CHCHD3: variants seen among roughly 807,000 people sequenced by gnomAD.
CHCHD3 encodes coiled-coil-helix-coiled-coil-helix domain containing 3.
CHCHD3 carries 20 observed loss-of-function variants against 38.2 expected under a neutral mutation model. The observed-to-expected ratio is 0.52, with a 90% CI of 0.37 to 0.76. The LOEUF (loss-of-function observed/expected upper bound fraction) is 0.76, where lower values mean the gene tolerates loss of function less well. Ranked by LOEUF, CHCHD3 falls within the 30% of genes least tolerant of loss-of-function variation. The probability of loss-of-function intolerance (pLI) is 0.00; values close to 1 mark genes in which losing one functional copy is unlikely to be tolerated. For missense variants in CHCHD3, 245 were observed against 279.2 expected (o/e 0.88, Z 0.87); for synonymous variants, 82 against 100.0 (o/e 0.82, Z 1.07).
In CHCHD3 at chr7:132,885,690, T is replaced by G. The variant is rs1214010308; in HGVS notation, c.425A>C (p.Lys142Thr). The G allele has an allele frequency of 1.9e-6, 3 of 1,608,934 alleles. No homozygotes were observed. In the Admixed American group the frequency reaches 5.0e-5, roughly 27 times the overall value. Residue 142 changes from lysine to threonine, a missense_variant, in exon 5 of 8, where the codon AAA becomes ACA. Transcript: ENST00000262570. ...RVLKKQDAFY[K>T]EQLARLEERS... is the part of the protein sequence containing the mutation. ...CTCCTCCAGTCTAGCCAGCTGTTCT[T>G]TGTAGAATGCATCCTGCTTCTTTAG... is the stretch of plus-strand genomic sequence containing the variant.
Position 133,059,600 on chromosome 7 carries a change from C to T in CHCHD3, c.169+10542G>A, listed in dbSNP as rs183391095. ...CAATGTTTCCAAATCCAGAGCCCCGCTCCCTAGCCACTCCTCCACAGACTC... is the reference window on the plus strand; with the variant it reads ...CAATGTTTCCAAATCCAGAGCCCCGTTCCCTAGCCACTCCTCCACAGACTC... On this transcript the variant is annotated intron_variant, in intron 2 of 7. Coordinates refer to ENST00000262570, the MANE Select transcript of CHCHD3 (RefSeq NM_017812.4). Among the ~76,000 whole-genome samples the T allele has an allele frequency of 4.5e-4, 68 of 152,324 alleles. No individual in the cohort carries two copies. The East Asian group carries it at 0.013, about 29-fold the overall frequency.
chr7:132,893,746 G>A (rs765099825), intron 4 of CHCHD3, among the ~76,000 whole-genome samples: 2 of 152,142 alleles, frequency 1.3e-5, no homozygotes, highest in African/African-American at 4.8e-5. Context: ...GAGATCTGAT[G>A]GTTCTGTAAG....
At chr7:132,844,313 T>G (rs1445733324) in intron 5 of CHCHD3, among the ~76,000 whole-genome samples, 1 of 151,960 alleles carries the variant, frequency 6.6e-6, no homozygotes, top group African/African-American at 2.4e-5. Context: ...AACAAAAAAA[T>G]GTGGAGAAAG....
chr7:132,938,104 C>T (rs2117265921), intron 4 of CHCHD3, among the ~76,000 whole-genome samples: 1 of 152,252 alleles, frequency 6.6e-6, no homozygotes, highest in East Asian at 1.9e-4. Flanking sequence ...TTTTAGAGAC[C>T]TGCCAAACAC....
At chr7:133,037,319 G>A (rs1584663743) in intron 2 of CHCHD3, among the ~76,000 whole-genome samples, 2 of 152,154 alleles carry the variant, frequency 1.3e-5, no homozygotes, top group East Asian at 3.8e-4. Context: ...ATAAAACAAT[G>A]AAAAACTAGA....
intron 3 of CHCHD3, among the ~76,000 whole-genome samples, chr7:132,999,467 TCTTTA>T (rs1405145940): frequency 6.6e-6 from 1 of 152,228 alleles, no homozygotes; most frequent in Non-Finnish European, 1.5e-5. Flanking sequence ...AGTTATACTT[TCTTTA>T]CTGAAATTTC....
chr7:132,817,669 A>G (rs1031536744), intron 6 of CHCHD3, among the ~76,000 whole-genome samples: 2 of 152,164 alleles, frequency 1.3e-5, no homozygotes, highest in Non-Finnish European at 2.9e-5. Context: ...ATAACTGAAC[A>G]TGAAATCAAT....
At chr7:132,934,303 A>G (rs916961041) in intron 4 of CHCHD3, among the ~76,000 whole-genome samples, 4 of 152,086 alleles carry the variant, frequency 2.6e-5, no homozygotes, top group Non-Finnish European at 5.9e-5. Flanking sequence ...ACATCCTCTC[A>G]CTGAGTTACA....
intron 4 of CHCHD3, among the ~76,000 whole-genome samples, chr7:132,905,096 C>T (rs1355046547): frequency 4.6e-5 from 3 of 64,532 alleles, no homozygotes; most frequent in Admixed American, 2.1e-4. Context: ...GGGGGCCTGT[C>T]GTGGGGTGGG....
intron 4 of CHCHD3, among the ~76,000 whole-genome samples, chr7:132,920,008 A>G (rs1000266087): frequency 1.3e-5 from 2 of 152,178 alleles, no homozygotes; most frequent in African/African-American, 2.4e-5. Context: ...TAAGTGAGAG[A>G]AAAAGGGGTA....
intron 5 of CHCHD3, among the ~76,000 whole-genome samples, chr7:132,850,838 ATTTT>A (rs934990891): frequency 2.6e-5 from 4 of 152,164 alleles, no homozygotes; most frequent in Admixed American, 2.6e-4. Flanking sequence ...CTATGTGGAA[ATTTT>A]TTATTTCTAG....
intron 2 of CHCHD3, among the ~76,000 whole-genome samples, chr7:133,064,302 C>T (rs923512997): frequency 2.0e-5 from 3 of 152,136 alleles, no homozygotes; most frequent in Non-Finnish European, 2.9e-5. Flanking sequence ...AGATTTAATG[C>T]CTTTAATTCA....
At chr7:132,786,024 A>G (rs1210678514) in intron 7 of CHCHD3, among the ~76,000 whole-genome samples, 1 of 152,088 alleles carries the variant, frequency 6.6e-6, no homozygotes, top group Non-Finnish European at 1.5e-5. Flanking sequence ...CCAAAAACAA[A>G]AACATTAGCT....
At position 132,814,044 on chromosome 7, in the gene CHCHD3, A is replaced by T. The variant is rs557485616; in HGVS notation, c.525-17467T>A. Among the ~76,000 whole-genome samples the T allele has an allele frequency of 5.3e-5, 8 of 152,286 alleles. No individual in the cohort carries two copies. The East Asian group carries it at 1.5e-3, about 29-fold the overall frequency. ...TACTTGTGACTAAGCAGTGAGGGGA[A>T]CTCAACAGAATTGATGGCAAACGGC... On this transcript the variant is annotated intron_variant, in intron 6 of 7. Coordinates refer to ENST00000262570, the MANE Select transcript of CHCHD3 (RefSeq NM_017812.4).
chr7:132,915,124 G>A (rs1810071332), intron 4 of CHCHD3, among the ~76,000 whole-genome samples: 1 of 150,750 alleles, frequency 6.6e-6, no homozygotes, highest in East Asian at 1.9e-4. Context: ...AGGTGACAGA[G>A]CAGTACTCCA....
intron 5 of CHCHD3, among the ~76,000 whole-genome samples, chr7:132,844,734 C>G (rs537325715): frequency 6.6e-6 from 1 of 152,332 alleles, no homozygotes; most frequent in South Asian, 2.1e-4. Flanking sequence ...TATCAACCAT[C>G]TGATAAAGAC....
intron 6 of CHCHD3, among the ~76,000 whole-genome samples, chr7:132,816,554 C>G (rs1807204696): frequency 6.6e-6 from 1 of 152,174 alleles, no homozygotes. Flanking sequence ...CTTAATGACA[C>G]CATCTCACAT....
intron 4 of CHCHD3, among the ~76,000 whole-genome samples, chr7:132,925,875 A>G (rs1439350447): frequency 6.6e-6 from 1 of 152,218 alleles, no homozygotes; most frequent in African/African-American, 2.4e-5. Context: ...GCAAATGTAT[A>G]TTCACAAGGA....
chr7:132,785,759 C>A, intron 7 of CHCHD3, 99 bp from the exon 8 acceptor site: 1 of 1,281,720 alleles, frequency 7.8e-7, no homozygotes, highest in East Asian at 2.3e-5. Context: ...TTTCAAATAT[C>A]TAATTTTAAA....
Sources: gnomAD v4.1 joint callset for allele counts (sites outside exome capture counted in the v4.1 genomes callset) on GRCh38, gnomAD v4.1.1 for gene constraint, MANE v1.5 for transcripts, NCBI Gene and HGNC (gene_info 2026-07-23, HGNC 2026-07-21) for gene names.